CHCHD3: variants seen among roughly 807,000 people sequenced by gnomAD.
CHCHD3 encodes coiled-coil-helix-coiled-coil-helix domain containing 3, also known as MICOS complex subunit MIC19.
Under a neutral mutation model 38.2 loss-of-function variants are expected in CHCHD3, and 20 were observed. The ratio of observed to expected loss-of-function variants is 0.52; its 90% CI spans 0.37 to 0.76. CHCHD3 has a LOEUF of 0.76. Among genes scored for constraint, CHCHD3 ranks in the 30% least tolerant of loss-of-function variants. CHCHD3 has a pLI of 0.00. For synonymous variants in CHCHD3, 82 were observed against 100.0 expected, an observed-to-expected ratio of 0.82 and a Z score of 1.07; for missense variants, 245 against 279.2, an observed-to-expected ratio of 0.88 and a Z score of 0.87.
At chr7:132,963,994 T>G (rs1811395908) in intron 4 of CHCHD3, among the ~76,000 whole-genome samples, 1 of 152,152 alleles carries the variant, frequency 6.6e-6, no homozygotes, top group Non-Finnish European at 1.5e-5. Flanking sequence ...TCCAAAATGG[T>G]CAATGGCATA....
intron 3 of CHCHD3, among the ~76,000 whole-genome samples, chr7:133,008,280 A>G (rs1812757052): frequency 6.6e-6 from 1 of 152,182 alleles, no homozygotes; most frequent in Non-Finnish European, 1.5e-5. Context: ...CATTAGTTAT[A>G]CAGTAAAAGA....
At chr7:132,854,349 T>C (rs1444494006) in intron 5 of CHCHD3, among the ~76,000 whole-genome samples, 2 of 152,156 alleles carry the variant, frequency 1.3e-5, no homozygotes, top group African/African-American at 4.8e-5. Flanking sequence ...TTTTTCCCCC[T>C]TTCCCCAAGA....
intron 4 of CHCHD3, among the ~76,000 whole-genome samples, chr7:132,913,114 A>G (rs1209993154): frequency 6.6e-6 from 1 of 152,196 alleles, no homozygotes; most frequent in Non-Finnish European, 1.5e-5. Flanking sequence ...CACATGCTGA[A>G]GGAGGCCAGA....
chr7:132,849,879 A>T (rs910577613), intron 5 of CHCHD3, among the ~76,000 whole-genome samples: 1 of 152,208 alleles, frequency 6.6e-6, no homozygotes, highest in African/African-American at 2.4e-5. Context: ...AGGGTGCTGC[A>T]ATGGAATAAT....
Position 132,982,841 on chromosome 7 carries a change from AT to A in CHCHD3, c.252-7556del, listed in dbSNP as rs944065583. ...GGACTGTGTAGAACCACATATGTGC[AT>A]TTTTTTTTCAATAAATATATTGAAC... is the stretch of plus-strand genomic sequence containing the variant. On this transcript the variant is annotated intron_variant, in intron 3 of 7. Transcript: ENST00000262570. Among the ~76,000 whole-genome samples the A allele has an allele frequency of 2.2e-3, 336 of 151,030 alleles. 2 individuals carry two copies. Among genetic ancestry groups the A allele is most frequent in the Non-Finnish European group, 2.3e-3 (155 of 67,700 alleles).
intron 3 of CHCHD3, among the ~76,000 whole-genome samples, chr7:133,002,195 AATAAGC>A (rs1812592344): frequency 6.6e-6 from 1 of 152,356 alleles, no homozygotes; most frequent in Non-Finnish European, 1.5e-5. Flanking sequence ...TATCTGTAAG[AATAAGC>A]ATTTTGTATC....
At position 132,787,762 on chromosome 7, in the gene CHCHD3, T is replaced by C. The variant is rs145426111; in HGVS notation, c.661-2102A>G. On this transcript the variant is annotated intron_variant, in intron 7 of 7. Transcript: ENST00000262570. The stretch of plus-strand genomic sequence containing the variant: ...GATTATCCTAAAGTGTTCATCATTA[T>C]AGGTTTCTAAGAAGTCTATGTCATA... Among the ~76,000 whole-genome samples, 24 of 152,298 alleles carry C rather than the reference T, an allele frequency of 1.6e-4. 1 individual carries two copies. In the East Asian group the frequency reaches 3.1e-3, roughly 20 times the overall value.
chr7:132,865,437 T>C (rs936408794), intron 5 of CHCHD3, among the ~76,000 whole-genome samples: 1 of 152,144 alleles, frequency 6.6e-6, no homozygotes, highest in Non-Finnish European at 1.5e-5. Flanking sequence ...AGTGCAAAGA[T>C]GACAGGTGCA....
Position 132,885,750 on chromosome 7 carries a change from A to G in CHCHD3, c.370-5T>C. The stretch of plus-strand genomic sequence containing the variant: ...TTTCTCTTCCAGCTGCCTAGCCTAA[A>G]AAAAGAAATGAGGAATATACTATAT... On this transcript the variant is annotated splice_polypyrimidine_tract_variant and splice_region_variant and intron_variant, in intron 4 of 7. Coordinates refer to ENST00000262570, the MANE Select transcript of CHCHD3 (RefSeq NM_017812.4). 1 of 1,605,034 alleles carries G rather than the reference A, an allele frequency of 6.2e-7. No homozygotes were observed. Among genetic ancestry groups the G allele is most frequent in the Non-Finnish European group, 8.5e-7 (1 of 1,176,744 alleles).
At position 132,814,100 on chromosome 7, in the gene CHCHD3, G is replaced by A. The variant is rs1020901897; in HGVS notation, c.525-17523C>T. The stretch of plus-strand genomic sequence containing the variant: ...TTTGCCTTAATAGTAGCAAAATCTC[G>A]CCTAAGACAAGTTGGACGTTTCAAG... On this transcript the variant is annotated intron_variant, in intron 6 of 7. Coordinates refer to ENST00000262570, the MANE Select transcript of CHCHD3 (RefSeq NM_017812.4). Among the ~76,000 whole-genome samples the A allele has an allele frequency of 4.6e-5, 7 of 152,264 alleles. No individual in the cohort carries two copies. In the South Asian group the frequency reaches 6.2e-4, roughly 14 times the overall value.
At chr7:132,868,283 A>C (rs1808682263) in intron 5 of CHCHD3, among the ~76,000 whole-genome samples, 1 of 152,210 alleles carries the variant, frequency 6.6e-6, no homozygotes, top group African/African-American at 2.4e-5. Context: ...ACAAGAGAAA[A>C]AAATTATTAG....
chr7:132,876,637 A>G (rs994372855), intron 5 of CHCHD3, among the ~76,000 whole-genome samples: 3 of 152,182 alleles, frequency 2.0e-5, no homozygotes, highest in Admixed American at 6.5e-5. Flanking sequence ...CAAAAAAGCA[A>G]TACTGGGCTT....
intron 2 of CHCHD3, among the ~76,000 whole-genome samples, chr7:133,026,268 A>G (rs1374634353): frequency 6.6e-6 from 1 of 152,210 alleles, no homozygotes; most frequent in African/African-American, 2.4e-5. Context: ...ATAGCCAATA[A>G]GTACATAAAA....
chr7:132,944,402 C>A (rs1810844931), intron 4 of CHCHD3, among the ~76,000 whole-genome samples: 1 of 146,348 alleles, frequency 6.8e-6, no homozygotes, highest in Non-Finnish European at 1.5e-5. Context: ...TTAGCATTGT[C>A]GGGAATAGTA....
At chr7:132,843,638 T>C (rs1297768944) in intron 5 of CHCHD3, among the ~76,000 whole-genome samples, 1 of 152,216 alleles carries the variant, frequency 6.6e-6, no homozygotes, top group Non-Finnish European at 1.5e-5. Context: ...CTACCCTGAA[T>C]GGGTACTGAG....
At chr7:132,966,668 C>G (rs1426572581) in intron 4 of CHCHD3, among the ~76,000 whole-genome samples, 1 of 152,174 alleles carries the variant, frequency 6.6e-6, no homozygotes, top group African/African-American at 2.4e-5. Context: ...AGAACTGTAT[C>G]AGAACTGACA....
At chr7:132,942,119 A>G (rs1034599682) in intron 4 of CHCHD3, among the ~76,000 whole-genome samples, 1 of 152,108 alleles carries the variant, frequency 6.6e-6, no homozygotes, top group African/African-American at 2.4e-5. Flanking sequence ...TTCTAGGCCT[A>G]TATTCATTGG....
At chr7:133,044,622 A>G (rs1419027186) in intron 2 of CHCHD3, among the ~76,000 whole-genome samples, 1 of 152,266 alleles carries the variant, frequency 6.6e-6, no homozygotes, top group African/African-American at 2.4e-5. Context: ...CCCTATTGTA[A>G]TCAAAAGACT....
At chr7:132,985,044 C>T (rs1308109309) in intron 3 of CHCHD3, among the ~76,000 whole-genome samples, 2 of 97,868 alleles carry the variant, frequency 2.0e-5, no homozygotes, top group East Asian at 4.0e-4. Flanking sequence ...GCCCCCCGCC[C>T]GGCCAGCCGC....
Sources: gnomAD v4.1 joint callset for allele counts (sites outside exome capture counted in the v4.1 genomes callset) on GRCh38, gnomAD v4.1.1 for gene constraint, MANE v1.5 for transcripts, NCBI Gene and HGNC (gene_info 2026-07-23, HGNC 2026-07-21) for gene names.